CNTN3: variants seen among roughly 807,000 people sequenced by gnomAD.
CNTN3 encodes contactin 3, also known as contactin-3.
Under a neutral mutation model 119.1 loss-of-function variants are expected in CNTN3, and 60 were observed. The ratio of observed to expected loss-of-function variants is 0.50; its 90% CI spans 0.41 to 0.62. CNTN3 has a LOEUF of 0.62. Ranked by LOEUF, CNTN3 falls within the 20% of genes least tolerant of loss-of-function variation. The probability of loss-of-function intolerance (pLI) is 0.00; values close to 1 mark genes in which losing one functional copy is unlikely to be tolerated. For missense variants in CNTN3, 1,101 were observed against 1,242.4 expected, an observed-to-expected ratio of 0.89 and a Z score of 1.71; for synonymous variants, 450 against 438.7, an observed-to-expected ratio of 1.03 and a Z score of -0.32.
chr3:74,407,435 A>ATT (rs372596619), intron 5 of CNTN3, among the ~76,000 whole-genome samples: 85,057 of 136,364 alleles, frequency 0.62, 28,068 homozygotes, highest in East Asian at 0.81. Flanking sequence ...CGCCTGGCTA[A>ATT]TTTTTTTTTT....
intron 5 of CNTN3, among the ~76,000 whole-genome samples, chr3:74,382,425 G>T (rs1417465106): frequency 6.6e-6 from 1 of 151,878 alleles, no homozygotes; most frequent in Admixed American, 6.6e-5. Flanking sequence ...ACTAACTACG[G>T]TCACCATACA....
At chr3:74,326,375 C>T (rs1195162620) in intron 13 of CNTN3, among the ~76,000 whole-genome samples, 1 of 151,904 alleles carries the variant, frequency 6.6e-6, no homozygotes, top group South Asian at 2.1e-4. Flanking sequence ...TTATGCATTA[C>T]AGTGTAATAT....
intron 4 of CNTN3, among the ~76,000 whole-genome samples, chr3:74,434,163 C>A (rs541045736): frequency 4.6e-5 from 7 of 152,306 alleles, no homozygotes; most frequent in South Asian, 2.1e-4. Flanking sequence ...TCCAGGCCTG[C>A]AGATCTATAG....
At chr3:74,289,958 G>C (rs1315796785) in intron 19 of CNTN3, among the ~76,000 whole-genome samples, 1 of 152,182 alleles carries the variant, frequency 6.6e-6, no homozygotes, top group Non-Finnish European at 1.5e-5. Context: ...ACTAGACACT[G>C]TGACGGTTCT....
intron 4 of CNTN3, among the ~76,000 whole-genome samples, chr3:74,443,246 T>C (rs1039592011): frequency 1.3e-5 from 2 of 152,100 alleles, no homozygotes; most frequent in African/African-American, 4.8e-5. Flanking sequence ...CCCTGGGCAG[T>C]CCCTAGCCTG....
At chr3:74,471,263 C>A (rs1702556836) in intron 4 of CNTN3, among the ~76,000 whole-genome samples, 1 of 151,956 alleles carries the variant, frequency 6.6e-6, no homozygotes, top group Non-Finnish European at 1.5e-5. Flanking sequence ...TTGATGGGTA[C>A]AGCAAACCAC....
intron 5 of CNTN3, among the ~76,000 whole-genome samples, chr3:74,377,050 G>T (rs952328011): frequency 6.6e-6 from 1 of 151,836 alleles, no homozygotes; most frequent in African/African-American, 2.4e-5. Flanking sequence ...TTCCAAAAGA[G>T]ATATCAAACT....
At chr3:74,457,107 A>G (rs1702284238) in intron 4 of CNTN3, among the ~76,000 whole-genome samples, 1 of 152,084 alleles carries the variant, frequency 6.6e-6, no homozygotes, top group African/African-American at 2.4e-5. Flanking sequence ...ATTCCCATTA[A>G]TGGTCTATTT....
At chr3:74,405,037 T>A (rs1331368509) in intron 5 of CNTN3, among the ~76,000 whole-genome samples, 3 of 152,088 alleles carry the variant, frequency 2.0e-5, no homozygotes, top group Non-Finnish European at 4.4e-5. Flanking sequence ...GGCAAACTAC[T>A]CTATTAAACA....
rs116480332 is a variant in CNTN3, at chr3:74,295,933, G to A, written c.2402-697C>T. 9.3e-3 allele frequency among the ~76,000 whole-genome samples: 1,421 copies of A among 152,190 alleles called. 26 individuals carry two copies. The highest frequency in any genetic ancestry group is 0.033 in the African/African-American group (1,358 of 41,524). On this transcript the variant is annotated intron_variant, in intron 18 of 22. Transcript: ENST00000263665. ...CAAGGATCTTGCTTGATGCTAAGAC[G>A]AATTCCTGGTCTAAGGCTGGGCCCC...
intron 2 of CNTN3, among the ~76,000 whole-genome samples, chr3:74,509,510 C>T (rs964142114): frequency 6.6e-6 from 1 of 152,070 alleles, no homozygotes; most frequent in African/African-American, 2.4e-5. Context: ...GTTGGCCAGG[C>T]TGGTCTCAAA....
chr3:74,520,547 A>T (rs1703526457), intron 2 of CNTN3, among the ~76,000 whole-genome samples: 2 of 151,496 alleles, frequency 1.3e-5, no homozygotes, highest in African/African-American at 4.8e-5. Context: ...GTCAAAGACG[A>T]TAATTTTTTT....
At chr3:74,612,884 T>C (rs1397881350) in intron 1 of CNTN3, among the ~76,000 whole-genome samples, 1 of 152,206 alleles carries the variant, frequency 6.6e-6, no homozygotes, top group Non-Finnish European at 1.5e-5. Context: ...CCTCTCCCAT[T>C]GCAACCAGTG....
intron 11 of CNTN3, among the ~76,000 whole-genome samples, chr3:74,339,803 T>G (rs1703486792): frequency 6.6e-6 from 1 of 152,008 alleles, no homozygotes; most frequent in South Asian, 2.1e-4. Flanking sequence ...TGCAAGGCAC[T>G]GACACCTTAT....
intron 1 of CNTN3, among the ~76,000 whole-genome samples, chr3:74,547,926 G>C (rs1371325956): frequency 6.6e-6 from 1 of 152,006 alleles, no homozygotes; most frequent in African/African-American, 2.4e-5. Flanking sequence ...GTTTTATTTT[G>C]TTCATACTTA....
intron 8 of CNTN3, 97 bp downstream of exon 8, chr3:74,369,092 G>T: frequency 2.5e-6 from 2 of 815,426 alleles, no homozygotes; most frequent in Non-Finnish European, 3.5e-6. Context: ...TTGAACATTG[G>T]GATTCTGCTA....
At chr3:74,413,740 G>T (rs1701474757) in intron 5 of CNTN3, among the ~76,000 whole-genome samples, 1 of 152,110 alleles carries the variant, frequency 6.6e-6, no homozygotes, top group South Asian at 2.1e-4. Flanking sequence ...AAAACTTCAT[G>T]CATGATTCAT....
intron 13 of CNTN3, among the ~76,000 whole-genome samples, chr3:74,315,799 C>T (rs949768732): frequency 6.6e-6 from 1 of 151,998 alleles, no homozygotes; most frequent in African/African-American, 2.4e-5. Context: ...TCACCATACA[C>T]AAAAATTAAG....
At chr3:74,362,142 C>A in intron 10 of CNTN3, 102 bp from the exon 11 acceptor site, 1 of 1,262,620 alleles carries the variant, frequency 7.9e-7, no homozygotes, top group Non-Finnish European at 1.1e-6. Context: ...TCTTTACATT[C>A]AGGGTGTCAG....
Sources: allele counts gnomAD v4.1 joint callset (sites outside exome capture counted in the v4.1 genomes callset), GRCh38; gene constraint gnomAD v4.1.1; transcripts MANE v1.5; gene names NCBI Gene and HGNC (gene_info 2026-07-23, HGNC 2026-07-21).